DDX60L: variants seen among roughly 807,000 people sequenced by gnomAD.
DDX60L encodes DExD/H-box 60 like.
Under a neutral mutation model 211.6 loss-of-function variants are expected in DDX60L, and 191 were observed. The ratio of observed to expected loss-of-function variants is 0.90; its 90% CI spans 0.80 to 1.02. The LOEUF (loss-of-function observed/expected upper bound fraction) is 1.02. Among genes scored for constraint, DDX60L ranks in the 50% least tolerant of loss-of-function variants. The pLI, the probability that DDX60L is intolerant of heterozygous loss-of-function variation, is 0.00. For synonymous variants in DDX60L, 706 were observed against 694.1 expected, an observed-to-expected ratio of 1.02 and a Z score of -0.27; for missense variants, 2,007 against 1,984.1, an observed-to-expected ratio of 1.01 and a Z score of -0.22.
At chr4:168,458,107 T>A in intron 5 of DDX60L, 99 bp from the exon 6 acceptor site, 6 of 642,748 alleles carry the variant, frequency 9.3e-6, no homozygotes, top group Non-Finnish European at 1.5e-5. Context: ...CAATGAGATA[T>A]TATCTCATGC....
intron 5 of DDX60L, among the ~76,000 whole-genome samples, chr4:168,458,584 A>G (rs1396914715): frequency 6.6e-6 from 1 of 152,152 alleles, no homozygotes; most frequent in Non-Finnish European, 1.5e-5. Context: ...GTTCTCACTT[A>G]TAAGTGGGAG....
intron 1 of DDX60L, 24 bp from the exon 2 acceptor site, chr4:168,472,833 C>T (rs1487723369): frequency 1.1e-6 from 1 of 910,048 alleles, no homozygotes; most frequent in Non-Finnish European, 1.7e-6. Flanking sequence ...AAAAATAGAA[C>T]TGCAGTTATT....
At position 168,423,775 on chromosome 4, in the gene DDX60L, C is replaced by A; in HGVS notation, c.1931-1G>T. On this transcript the variant is annotated splice_acceptor_variant, in intron 14 of 37. Coordinates refer to ENST00000682922, the MANE Select transcript of DDX60L (RefSeq NM_001012967.3). LOFTEE classifies it high-confidence loss of function. ...ATACTTAAATCTTTCGAAATTTTGCCTTGTTAAAGAAACAATAAAATTGTT... is the reference window on the plus strand; with the variant it reads ...ATACTTAAATCTTTCGAAATTTTGCATTGTTAAAGAAACAATAAAATTGTT... 1 of 1,560,840 alleles carries A rather than the reference C, an allele frequency of 6.4e-7. No homozygotes were observed. Among genetic ancestry groups the A allele is most frequent in the South Asian group, 1.2e-5 (1 of 82,290 alleles).
chr4:168,373,077 C>T (rs893973854), intron 35 of DDX60L, among the ~76,000 whole-genome samples: 4 of 152,058 alleles, frequency 2.6e-5, no homozygotes, highest in Admixed American at 2.0e-4. Context: ...TTCCTTTAAA[C>T]GTTACATATG....
At chr4:168,472,202 AT>A (rs1315156483) in intron 3 of DDX60L, among the ~76,000 whole-genome samples, 1 of 152,230 alleles carries the variant, frequency 6.6e-6, no homozygotes, top group African/African-American at 2.4e-5. Flanking sequence ...ACTTGAGAAT[AT>A]GATTCTAAAG....
At chr4:168,372,658 T>C (rs1055253349) in intron 35 of DDX60L, among the ~76,000 whole-genome samples, 6 of 151,792 alleles carry the variant, frequency 4.0e-5, no homozygotes, top group Non-Finnish European at 5.9e-5. Context: ...GCCCCGGAAG[T>C]TGAGGATGCA....
chr4:168,439,283 A>G (rs1579649888), intron 10 of DDX60L, among the ~76,000 whole-genome samples: 1 of 152,140 alleles, frequency 6.6e-6, no homozygotes, highest in African/African-American at 2.4e-5. Flanking sequence ...CTTAAAGACT[A>G]TAATCAATTT....
chr4:168,472,190 G>GAACT (rs1286777540), intron 3 of DDX60L, among the ~76,000 whole-genome samples: 3 of 152,174 alleles, frequency 2.0e-5, no homozygotes, highest in Admixed American at 6.5e-5. Context: ...GCCAGGATTT[G>GAACT]AACTTGAGAA....
At position 168,406,624 on chromosome 4, in the gene DDX60L, C is replaced by T. The variant is rs924043055; in HGVS notation, c.3062G>A (p.Trp1021Ter). The T allele has an allele frequency of 3.1e-6, 5 of 1,600,648 alleles. No homozygotes were observed. The highest frequency in any genetic ancestry group is 1.7e-5 in the Admixed American group (1 of 58,678). ...TACCTGAGCCCTGGGCCAAGTTTCC[C>T]AGACTTGAGCCATGGTATCATAAAG... is the stretch of plus-strand genomic sequence containing the variant. Reference protein sequence around the residue: ...IQLYDTMAQVWETWPRAQELC... With the variant: ...IQLYDTMAQV Residue 1021 changes from tryptophan to a stop codon, truncating the protein, a stop_gained, in exon 23 of 38, where the codon TGG becomes TAG. Coordinates refer to ENST00000682922, the MANE Select transcript of DDX60L (RefSeq NM_001012967.3). LOFTEE classifies it high-confidence loss of function.
chr4:168,367,992 A>C (rs1482064568), intron 36 of DDX60L, among the ~76,000 whole-genome samples: 1 of 152,244 alleles, frequency 6.6e-6, no homozygotes, highest in Non-Finnish European at 1.5e-5. Context: ...AGAGCATAAC[A>C]GTTTGGAAAA....
At position 168,471,409 on chromosome 4, in the gene DDX60L, G is replaced by A. The variant is rs547289690; in HGVS notation, c.264+338C>T. 39 of 173,168 alleles carry A rather than the reference G, an allele frequency of 2.3e-4. 1 individual carries two copies. In the Middle Eastern group the frequency reaches 0.013, roughly 56 times the overall value. 10.7% of individuals were successfully genotyped at this position (173,168 alleles called of 1,614,324 possible). A position where few individuals can be genotyped will look rare whatever the true frequency, so the allele number is the denominator to read the frequency against. On this transcript the variant is annotated intron_variant, in intron 4 of 37. Coordinates refer to ENST00000682922, the MANE Select transcript of DDX60L (RefSeq NM_001012967.3). ...ATAAAATATTGAAACTTAAAGAATG[G>A]GCTTGCTGGTGCTTACCACAGGCTG...
Position 168,394,516 on chromosome 4 carries a change from A to G in DDX60L, c.3759T>C (p.Tyr1253=). The G allele has an allele frequency of 6.2e-7, 1 of 1,612,308 alleles. No individual in the cohort carries two copies. Among genetic ancestry groups the G allele is most frequent in the Non-Finnish European group, 8.5e-7 (1 of 1,179,324 alleles). Residue 1253 remains tyrosine, a synonymous_variant, in exon 28 of 38, where the codon TAT becomes TAC. Coordinates refer to ENST00000682922, the MANE Select transcript of DDX60L (RefSeq NM_001012967.3). The part of the protein sequence containing the change: ...RGIGYHHSSM[Y]FKEKEFVEIL... ...TCTCAACAAACTCTTTTTCTTTAAA[A>G]TACATGCTGCTGTGATGATATCCAA...
chr4:168,358,524 C>CTTTTTTTTTTTTTTTTTTTTTTT (rs70961514), intron 37 of DDX60L, among the ~76,000 whole-genome samples: 1 of 108,306 alleles, frequency 9.2e-6, no homozygotes, highest in African/African-American at 3.2e-5. Flanking sequence ...TTTTCTTTTT[C>CTTTTTTTTTTTTTTTTTTTTTTT]TTTTTTTTTT....
At chr4:168,467,778 A>C (rs1758205998) in intron 4 of DDX60L, among the ~76,000 whole-genome samples, 2 of 152,360 alleles carry the variant, frequency 1.3e-5, no homozygotes, top group South Asian at 4.1e-4. Flanking sequence ...AATCTCATAA[A>C]GACTTTTTCA....
At chr4:168,479,260 C>T (rs1760059362) in intron 1 of DDX60L, among the ~76,000 whole-genome samples, 2 of 152,082 alleles carry the variant, frequency 1.3e-5, no homozygotes, top group African/African-American at 2.4e-5. Flanking sequence ...GGATAGAAGG[C>T]GAAGAGCCTT....
chr4:168,375,352 C>T (rs372871403), intron 34 of DDX60L, 25 bp downstream of exon 34: 51 of 1,603,496 alleles, frequency 3.2e-5, no homozygotes, highest in Middle Eastern at 3.3e-4. Flanking sequence ...TAAATTGTTC[C>T]GGAATGGAAC....
At chr4:168,477,505 C>A (rs1759745281) in intron 1 of DDX60L, among the ~76,000 whole-genome samples, 1 of 151,994 alleles carries the variant, frequency 6.6e-6, no homozygotes, top group South Asian at 2.1e-4. Flanking sequence ...TTGCAAGATA[C>A]ACCATCATTT....
chr4:168,372,781 G>A (rs898256739), intron 35 of DDX60L, among the ~76,000 whole-genome samples: 1 of 151,824 alleles, frequency 6.6e-6, no homozygotes, highest in Non-Finnish European at 1.5e-5. Flanking sequence ...GGAGGGAAGG[G>A]AAGGGAAGAT....
At chr4:168,433,793 C>T (rs1752676766) in intron 10 of DDX60L, among the ~76,000 whole-genome samples, 1 of 152,136 alleles carries the variant, frequency 6.6e-6, no homozygotes, top group African/African-American at 2.4e-5. Context: ...CTATTTCCTT[C>T]TTCCTGAATT....
Sources: gnomAD v4.1 joint callset for allele counts (sites outside exome capture counted in the v4.1 genomes callset) on GRCh38, gnomAD v4.1.1 for gene constraint, MANE v1.5 for transcripts, NCBI Gene and HGNC (gene_info 2026-07-23, HGNC 2026-07-21) for gene names.